Variants in FNIP1 observed in about 807,000 individuals in gnomAD.
FNIP1 encodes folliculin interacting protein 1, also known as folliculin-interacting protein 1.
Under a neutral mutation model 124.5 loss-of-function variants are expected in FNIP1, and 40 were observed. The ratio of observed to expected loss-of-function variants is 0.32; its 90% CI spans 0.25 to 0.42. The LOEUF (loss-of-function observed/expected upper bound fraction) is 0.42, where lower values mean the gene tolerates loss of function less well. FNIP1 is among the 10% of genes least tolerant of loss of function. The pLI is 1.00. For missense variants in FNIP1, 1,176 were observed against 1,403.7 expected (o/e 0.84, Z 2.59); for synonymous variants, 472 against 470.6 (o/e 1.00, Z -0.04).
intron 6 of FNIP1, among the ~76,000 whole-genome samples, chr5:131,714,003 T>C (rs534970083): frequency 2.6e-5 from 4 of 152,362 alleles, no homozygotes; most frequent in South Asian, 2.1e-4. Flanking sequence ...TCCTCTGTGG[T>C]GACCTCGAGA....
In FNIP1 at chr5:131,731,044, A is replaced by G; in HGVS notation, c.220-6T>C. On this transcript the variant is annotated splice_polypyrimidine_tract_variant and splice_region_variant and intron_variant, in intron 2 of 17. Coordinates refer to ENST00000510461, the MANE Select transcript of FNIP1 (RefSeq NM_133372.3). ...TGAGCATCACTGCCGAGTTTCTGAA[A>G]TAACAGATATTTCCACTCATGTTTT... 6.3e-7 allele frequency: 1 copy of G among 1,597,634 alleles called. No individual in the cohort carries two copies. The highest frequency in any genetic ancestry group is 8.5e-7 in the Non-Finnish European group (1 of 1,175,428).
chr5:131,759,062 T>A (rs1771140878), intron 1 of FNIP1, among the ~76,000 whole-genome samples: 1 of 152,058 alleles, frequency 6.6e-6, no homozygotes, highest in South Asian at 2.1e-4. Flanking sequence ...GCTAGCCTTA[T>A]CTGGATCCTT....
intron 2 of FNIP1, among the ~76,000 whole-genome samples, chr5:131,741,963 A>T (rs1303467898): frequency 1.3e-5 from 2 of 152,220 alleles, no homozygotes; most frequent in African/African-American, 4.8e-5. Flanking sequence ...GGACTGCGTG[A>T]TCCCAGGAAT....
In FNIP1 at chr5:131,728,177, GT is replaced by G. The variant is rs1769953839; in HGVS notation, c.354+2726del. On this transcript the variant is annotated intron_variant, in intron 3 of 17. Transcript: ENST00000510461. ...GTCTTGGGGTTGCTCTTCTCGAGCA[GT>G]ATCTTTGTTGTGTTCTCTGTATTTC... 2.6e-5 allele frequency among the ~76,000 whole-genome samples: 4 copies of G among 152,292 alleles called. No individual in the cohort carries two copies. The South Asian group carries it at 6.2e-4, about 24-fold the overall frequency.
rs941208978 is a variant in FNIP1 at position 131,644,061 on chromosome 5, C to T, written c.*624G>A. 2.6e-5 allele frequency: 4 copies of T among 151,962 alleles called. No individual in the cohort carries two copies. The highest frequency in any genetic ancestry group is 9.7e-5 in the African/African-American group (4 of 41,344). The allele number at this position is 151,962 out of a possible 1,614,324, so 9.4% of individuals were successfully genotyped here. ...TTGAAAATATATATATTTTTAAAGG[C>T]ATGTTTACCAGTCTTGTATTTCTAT... On this transcript the variant is annotated 3_prime_UTR_variant, in exon 18 of 18. Transcript: ENST00000510461.
intron 11 of FNIP1, among the ~76,000 whole-genome samples, chr5:131,691,929 T>G (rs891507690): frequency 6.6e-6 from 1 of 152,006 alleles, no homozygotes; most frequent in Non-Finnish European, 1.5e-5. Flanking sequence ...AGACTGGATG[T>G]TTTTTTTCCT....
intron 2 of FNIP1, among the ~76,000 whole-genome samples, chr5:131,743,045 C>G (rs547928539): frequency 6.6e-6 from 1 of 151,674 alleles, no homozygotes; most frequent in African/African-American, 2.4e-5. Flanking sequence ...AATACACATA[C>G]GAATACAGCT....
chr5:131,643,525 A>T lies in FNIP1; in HGVS notation c.*1160T>A, dbSNP rs1225487648. ...ACCCACCTTTCTATTTACATTACTT[A>T]CAAGAGTTTGGTTCCATATTAGCCT... is the stretch of plus-strand genomic sequence containing the variant. On this transcript the variant is annotated 3_prime_UTR_variant, in exon 18 of 18. Coordinates refer to ENST00000510461, the MANE Select transcript of FNIP1 (RefSeq NM_133372.3). The T allele has an allele frequency of 1.3e-5, 2 of 152,826 alleles. No individual in the cohort carries two copies. The highest frequency in any genetic ancestry group is 4.8e-5 in the African/African-American group (2 of 41,466). 9.5% of individuals were successfully genotyped at this position (152,826 alleles called of 1,614,324 possible).
At chr5:131,705,784 T>G (rs1769088413) in intron 9 of FNIP1, among the ~76,000 whole-genome samples, 1 of 152,152 alleles carries the variant, frequency 6.6e-6, no homozygotes, top group African/African-American at 2.4e-5. Context: ...CTCGAACAGA[T>G]ACTTGCACAC....
chr5:131,650,165 G>A (rs1767001502), intron 16 of FNIP1, among the ~76,000 whole-genome samples: 1 of 152,040 alleles, frequency 6.6e-6, no homozygotes, highest in South Asian at 2.1e-4. Flanking sequence ...AATATCAATT[G>A]GATTTTGATA....
rs181834144 is a variant in FNIP1 at position 131,747,585 on chromosome 5, C to T, written c.93-2895G>A. 4.8e-3 allele frequency among the ~76,000 whole-genome samples: 725 copies of T among 152,106 alleles called. 4 individuals are homozygous for T. Among genetic ancestry groups the T allele is most frequent in the African/African-American group, 0.017 (688 of 41,506 alleles). On this transcript the variant is annotated intron_variant, in intron 1 of 17. Coordinates refer to ENST00000510461, the MANE Select transcript of FNIP1 (RefSeq NM_133372.3). ...TCTCACGGAAACCAGTGAAAAAGAA[C>T]ATTTTAGAAAAGAAAAAGAACTACC...
chr5:131,712,866 G>A (rs1345499961), intron 6 of FNIP1, among the ~76,000 whole-genome samples: 1 of 152,186 alleles, frequency 6.6e-6, no homozygotes. Flanking sequence ...CCATTCTGAT[G>A]TCTATTCTCC....
At chr5:131,777,043 G>C (rs115041127) in intron 1 of FNIP1, among the ~76,000 whole-genome samples, 1 of 152,014 alleles carries the variant, frequency 6.6e-6, no homozygotes, top group Admixed American at 6.6e-5. Flanking sequence ...ACCAGTCGAA[G>C]CAACATAGCG....
chr5:131,779,467 C>G (rs2149583057), intron 1 of FNIP1, among the ~76,000 whole-genome samples: 1 of 151,570 alleles, frequency 6.6e-6, no homozygotes, highest in East Asian at 1.9e-4. Flanking sequence ...ATCACAAGGT[C>G]AGGAGATCGA....
chr5:131,719,602 T>G (rs1277915298), intron 3 of FNIP1, among the ~76,000 whole-genome samples, 185 bp from the exon 4 acceptor site: 3 of 152,240 alleles, frequency 2.0e-5, no homozygotes, highest in African/African-American at 4.8e-5. Context: ...GTAACCATGT[T>G]GTTACACATA....
chr5:131,727,398 T>C (rs1373605372), intron 3 of FNIP1, among the ~76,000 whole-genome samples: 3 of 152,210 alleles, frequency 2.0e-5, no homozygotes, highest in Non-Finnish European at 4.4e-5. Flanking sequence ...TATTGTTGCA[T>C]TGATTCCTTT....
chr5:131,780,893 A>C (rs1296021761), intron 1 of FNIP1, among the ~76,000 whole-genome samples: 1 of 152,216 alleles, frequency 6.6e-6, no homozygotes, highest in Non-Finnish European at 1.5e-5. Flanking sequence ...TCTCACTGTA[A>C]ATCAAAAGCT....
intron 1 of FNIP1, among the ~76,000 whole-genome samples, chr5:131,784,801 G>A (rs544159999): frequency 2.3e-4 from 34 of 149,956 alleles, no homozygotes; most frequent in African/African-American, 6.1e-4. Flanking sequence ...CAGCCTGGGC[G>A]ACAGAGTGAG....
In FNIP1 at chr5:131,652,130, T is replaced by A. The variant is rs997272541; in HGVS notation, c.3109-131A>T. 5 of 744,164 alleles carry A rather than the reference T, an allele frequency of 6.7e-6. 1 individual carries two copies. The highest frequency in any genetic ancestry group is 1.1e-5 in the Non-Finnish European group (5 of 468,316). 46.1% of individuals were successfully genotyped at this position (744,164 alleles called of 1,614,324 possible). On this transcript the variant is annotated intron_variant, in intron 15 of 17. Transcript: ENST00000510461. ...AAACTTCAATATTTCAATATCTCCT[T>A]GACCAAGAAGAATAATTAACTCATT...
Sources: gnomAD v4.1 joint callset for allele counts (sites outside exome capture counted in the v4.1 genomes callset) on GRCh38, gnomAD v4.1.1 for gene constraint, MANE v1.5 for transcripts, NCBI Gene and HGNC (gene_info 2026-07-23, HGNC 2026-07-21) for gene names.